The following DCTN5 variants were observed in gnomAD, a reference collection of about 807,000 sequenced individuals.
DCTN5 encodes the protein dynactin subunit 5, also known as dynactin 4.
A neutral mutation model predicts 23.5 loss-of-function variants in DCTN5; 14 were observed. The ratio of observed to expected loss-of-function variants is 0.60; its 90% CI spans 0.39 to 0.93. The LOEUF (loss-of-function observed/expected upper bound fraction) is 0.93. DCTN5 is among the 40% of genes least tolerant of loss of function. DCTN5 has a pLI of 0.00. For missense variants in DCTN5, 156 were observed against 225.9 expected, an observed-to-expected ratio of 0.69 and a Z score of 1.98; for synonymous variants, 67 against 79.6, an observed-to-expected ratio of 0.84 and a Z score of 0.84.
intron 3 of DCTN5, among the ~76,000 whole-genome samples, chr16:23,659,282 A>T (rs1163248120): frequency 6.6e-6 from 1 of 152,202 alleles, no homozygotes; most frequent in African/African-American, 2.4e-5. Flanking sequence ...GTGGGAATAA[A>T]GACTGTCCAA....
rs1231782318 is a variant in DCTN5, at chr16:23,667,857, GTC to G, written c.*718_*719del. ...TAATTTTGCCAAGTGTTAGATTTGAGTCTCTCATGTGGATGCATTAGTCAGGT... is the reference window on the plus strand; with the variant it reads ...TAATTTTGCCAAGTGTTAGATTTGAGTCTCATGTGGATGCATTAGTCAGGT... On this transcript the variant is annotated 3_prime_UTR_variant, in exon 6 of 6. Coordinates refer to ENST00000300087, the MANE Select transcript of DCTN5 (RefSeq NM_032486.4). 6.6e-6 allele frequency: 1 copy of G among 152,276 alleles called. No homozygotes were observed. Among genetic ancestry groups the G allele is most frequent in the Non-Finnish European group, 1.5e-5 (1 of 68,110 alleles). 9.4% of individuals were successfully genotyped at this position (152,276 alleles called of 1,614,324 possible). A position where few individuals can be genotyped will look rare whatever the true frequency, so the allele number is the denominator to read the frequency against.
rs187864095 is a variant in DCTN5, at chr16:23,667,474, A to C, written c.*330A>C. On this transcript the variant is annotated 3_prime_UTR_variant, in exon 6 of 6. Transcript: ENST00000300087. ...TGTGGATGGCTGGATCCCGCCTGAA[A>C]CGGACCTGCAGAGCAGCAGCACCCT... is the stretch of plus-strand genomic sequence containing the variant. 3 of 282,468 alleles carry C rather than the reference A, an allele frequency of 1.1e-5. No individual in the cohort carries two copies. The East Asian group carries it at 2.2e-4, about 21-fold the overall frequency. The allele number at this position is 282,468 out of a possible 1,614,324, so 17.5% of individuals were successfully genotyped here.
At position 23,676,852 on chromosome 16, in the gene DCTN5, T is replaced by C. The variant is rs894021415; in HGVS notation, c.*9708T>C. ...GCTTGGATTTCAGGAGGGTTCTCAT[T>C]ACTCCCTAAATGATAAGAGTGGCTC... On this transcript the variant is annotated 3_prime_UTR_variant, in exon 6 of 6. Transcript: ENST00000300087. The C allele has an allele frequency of 6.6e-6, 1 of 152,208 alleles. No individual in the cohort carries two copies. The highest frequency in any genetic ancestry group is 2.4e-5 in the African/African-American group (1 of 41,454). 9.4% of individuals were successfully genotyped at this position (152,208 alleles called of 1,614,324 possible). A position where few individuals can be genotyped will look rare whatever the true frequency, so the allele number is the denominator to read the frequency against.
At chr16:23,649,774 G>C (rs557497960) in intron 2 of DCTN5, among the ~76,000 whole-genome samples, 15 of 149,764 alleles carry the variant, frequency 1.0e-4, no homozygotes, top group Admixed American at 6.1e-4. Context: ...GGAGGCAGAG[G>C]TTGTAGTGAG....
intron 2 of DCTN5, among the ~76,000 whole-genome samples, chr16:23,644,611 T>A (rs950162306): frequency 6.6e-6 from 1 of 151,688 alleles, no homozygotes; most frequent in African/African-American, 2.4e-5. Context: ...AATTTTTGTA[T>A]TTTTAGTAGA....
intron 2 of DCTN5, among the ~76,000 whole-genome samples, chr16:23,656,048 A>G (rs1029315725): frequency 7.2e-5 from 11 of 152,126 alleles, no homozygotes; most frequent in African/African-American, 2.7e-4. Flanking sequence ...ACATAGCAAG[A>G]CCATGTCTCT....
At chr16:23,645,137 ATT>A (rs869033729) in intron 2 of DCTN5, among the ~76,000 whole-genome samples, 472 of 30,734 alleles carry the variant, frequency 0.015, 15 homozygotes, top group Non-Finnish European at 0.018. Context: ...ATATATATAT[ATT>A]TTTTTTTTTT....
chr16:23,667,050 T>C lies in DCTN5; in HGVS notation c.455T>C (p.Leu152Pro), dbSNP rs1445533917. The C allele has an allele frequency of 6.2e-7, 1 of 1,613,844 alleles. No individual in the cohort carries two copies. Among genetic ancestry groups the C allele is most frequent in the Non-Finnish European group, 8.5e-7 (1 of 1,179,984 alleles). Residue 152 changes from leucine to proline, a missense_variant, in exon 6 of 6, where the codon CTC becomes CCC. By Grantham distance (98) the Leu-to-Pro change is moderately conservative (BLOSUM62 -3). Transcript: ENST00000300087. ...AGCTGGGTCTTTCTTTCCCCAGGAC[T>C]CTTCTCAGGGGAGCTCCCGGAGTGC... Reference protein sequence around the residue: ...PFTVFSGCPGLFSGELPECTQ... With the variant: ...PFTVFSGCPGPFSGELPECTQ...
chr16:23,643,838 C>T (rs1215288615), intron 2 of DCTN5, among the ~76,000 whole-genome samples: 2 of 152,038 alleles, frequency 1.3e-5, no homozygotes, highest in Non-Finnish European at 2.9e-5. Context: ...ATTACAATAG[C>T]AAAGAGACGA....
At chr16:23,646,526 C>T (rs928339039) in intron 2 of DCTN5, among the ~76,000 whole-genome samples, 6 of 151,884 alleles carry the variant, frequency 4.0e-5, no homozygotes, top group Middle Eastern at 3.4e-3. Flanking sequence ...CTTCTAAGAG[C>T]GTTAATGGTC....
Position 23,661,235 on chromosome 16 carries a change from C to G in DCTN5, c.302C>G (p.Ala101Gly), listed in dbSNP as rs1967804460. The G allele has an allele frequency of 1.2e-6, 2 of 1,613,262 alleles. No homozygotes were observed. The highest frequency in any genetic ancestry group is 2.7e-5 in the African/African-American group (2 of 74,878). Reference sequence around the variant, plus strand: ...ATTGAGGAAGATTGTGTGGTCAACGCAGCACAGATTGGTTCCTATGTTCAT... The same window carrying G: ...ATTGAGGAAGATTGTGTGGTCAACGGAGCACAGATTGGTTCCTATGTTCAT... ...VFIEEDCVVN[A>G]AQIGSYVHVG... The change falls in exon 4 of 6, where the codon GCA (alanine) becomes GGA (glycine). Residue 101 changes from alanine (A) to glycine (G), a missense_variant. Around this residue, in one of 2 missense-constraint regions of DCTN5, gnomAD observed 153 missense variants for 206.8 expected, o/e 0.74. Transcript: ENST00000300087.
intron 2 of DCTN5, among the ~76,000 whole-genome samples, chr16:23,647,604 T>A (rs1480341789): frequency 2.0e-5 from 3 of 151,792 alleles, no homozygotes; most frequent in African/African-American, 7.3e-5. Flanking sequence ...ACTTCCCAGG[T>A]TCAAGCAATT....
chr16:23,662,921 CT>C (rs1381894502), intron 4 of DCTN5, among the ~76,000 whole-genome samples: 1 of 152,182 alleles, frequency 6.6e-6, no homozygotes, highest in Non-Finnish European at 1.5e-5. Flanking sequence ...GTCAGGTGCT[CT>C]TGTTTTTATG....
chr16:23,665,747 T>A lies in DCTN5; in HGVS notation c.451+19T>A. The A allele has an allele frequency of 6.3e-7, 1 of 1,591,876 alleles. No individual in the cohort carries two copies. Among genetic ancestry groups the A allele is most frequent in the Non-Finnish European group, 8.6e-7 (1 of 1,164,690 alleles). On this transcript the variant is annotated intron_variant, in intron 5 of 5. Coordinates refer to ENST00000300087, the MANE Select transcript of DCTN5 (RefSeq NM_032486.4). ...TGCCCAGGTAACCTTGGCTGTTGAT[T>A]AATTTTATTTTAACTTCCTAAAACT... is the stretch of plus-strand genomic sequence containing the variant.
In DCTN5 at chr16:23,661,256, T is replaced by C; in HGVS notation, c.323T>C (p.Val108Ala). ...AACGCAGCACAGATTGGTTCCTATG[T>C]TCATGTTGGGAAGAACTGTGTGATT... ...VVNAAQIGSY[V>A]HVGKNCVIGR... is the part of the protein sequence containing the mutation. The change falls in exon 4 of 6, where the codon GTT becomes GCT. Residue 108 changes from valine to alanine, a missense_variant. Val to Ala is a moderately conservative substitution (Grantham distance 64, BLOSUM62 0). This residue lies in a region of DCTN5 where 153 missense variants were observed against 206.8 expected (regional missense o/e 0.74). Transcript: ENST00000300087. 4 of 1,612,428 alleles carry C rather than the reference T, an allele frequency of 2.5e-6. No homozygotes were observed. In the African/African-American group the frequency reaches 5.3e-5, roughly 21 times the overall value.
At chr16:23,652,984 T>A (rs1189568978) in intron 2 of DCTN5, among the ~76,000 whole-genome samples, 3 of 151,462 alleles carry the variant, frequency 2.0e-5, no homozygotes, top group East Asian at 3.9e-4. Flanking sequence ...TCTCTACAAA[T>A]AAAAAAAATT....
At chr16:23,663,013 CT>C (rs1967842934) in intron 4 of DCTN5, among the ~76,000 whole-genome samples, 1 of 152,226 alleles carries the variant, frequency 6.6e-6, no homozygotes, top group Admixed American at 6.5e-5. Context: ...AATACTCGAT[CT>C]CAGGAGAGAT....
chr16:23,645,108 TATATATATATATATATATATATATA>T lies in DCTN5; in HGVS notation c.117+2086_117+2110del, dbSNP rs1358265707. Among the ~76,000 whole-genome samples, 48 of 34,706 alleles carry T rather than the reference TATATATATATATATATATATATATA, an allele frequency of 1.4e-3. 2 individuals are homozygous for T. The highest frequency in any genetic ancestry group is 2.0e-3 in the Admixed American group (7 of 3,422). 22.8% of individuals were successfully genotyped at this position (34,706 alleles called of 152,430 possible). A position where few individuals can be genotyped will look rare whatever the true frequency, so the allele number is the denominator to read the frequency against. On this transcript the variant is annotated intron_variant, in intron 2 of 5. Coordinates refer to ENST00000300087, the MANE Select transcript of DCTN5 (RefSeq NM_032486.4). ...CTATATATATATATATATATATATA[TATATATATATATATATATATATATA>T]TATATTTTTTTTTTTTTTAATACGC...
chr16:23,661,346 G>T (rs544498828), intron 4 of DCTN5, 65 bp downstream of exon 4: 2 of 1,153,410 alleles, frequency 1.7e-6, no homozygotes, highest in Non-Finnish European at 1.3e-6. Flanking sequence ...CCCTCACTTC[G>T]GTGGGACCCT....
Sources: gnomAD v4.1 joint callset for allele counts (sites outside exome capture counted in the v4.1 genomes callset) on GRCh38, gnomAD v4.1.1 for gene constraint, gnomAD v4.1.1 regional missense constraint, MANE v1.5 for transcripts, NCBI Gene and HGNC (gene_info 2026-07-23, HGNC 2026-07-21) for gene names.